The following DUSP10 variants were observed in gnomAD, a reference collection of about 807,000 sequenced individuals.
The protein encoded by DUSP10 is dual specificity protein phosphatase 10.
Under a neutral mutation model 30.8 loss-of-function variants are expected in DUSP10, and 14 were observed. The ratio of observed to expected loss-of-function variants is 0.46; its 90% CI spans 0.30 to 0.71. DUSP10 has a LOEUF of 0.71. Among genes scored for constraint, DUSP10 ranks in the 30% least tolerant of loss-of-function variants. The pLI, the probability that DUSP10 is intolerant of heterozygous loss-of-function variation, is 0.08. For missense variants in DUSP10, 550 were observed against 619.4 expected, an observed-to-expected ratio of 0.89 and a Z score of 1.19; for synonymous variants, 254 against 250.4, an observed-to-expected ratio of 1.01 and a Z score of -0.14.
chr1:221,729,342 G>T (rs1477795024), intron 2 of DUSP10, among the ~76,000 whole-genome samples: 1 of 152,194 alleles, frequency 6.6e-6, no homozygotes, highest in Non-Finnish European at 1.5e-5. Flanking sequence ...GGGAAAGGAA[G>T]ATGGCATTAT....
chr1:221,738,985 T>C lies in DUSP10; in HGVS notation c.760A>G (p.Ile254Val), dbSNP rs764626007. The part of the protein sequence containing the change: ...SRVMPSQPLH[I>V]VLESLKREGK... ...TCTCTCTTCAGGGACTCGAGGACTA[T>C]GTGAAGTGGCTGGGAGGGCATCACT... The change falls in exon 2 of 4, where the codon ATA becomes GTA. Residue 254 changes from isoleucine (I) to valine (V), a missense_variant. Ile to Val is a conservative substitution (Grantham distance 29). Coordinates refer to ENST00000366899, the MANE Select transcript of DUSP10 (RefSeq NM_007207.6). 5.0e-6 allele frequency: 8 copies of C among 1,613,998 alleles called. No individual in the cohort carries two copies. In the South Asian group the frequency reaches 6.6e-5, roughly 13 times the overall value.
chr1:221,730,820 A>G (rs1386467625), intron 2 of DUSP10, among the ~76,000 whole-genome samples: 2 of 151,832 alleles, frequency 1.3e-5, no homozygotes, highest in East Asian at 1.9e-4. Context: ...ACATATATCT[A>G]TAACTCTCTA....
rs1029535440 is a variant in DUSP10 at position 221,716,008 on chromosome 1, CCCTCT to C, written c.812-9547_812-9543del. ...GATCCCTCCTCCCTCCCCTCCCCTCCCCTCTCCCTCTTCTCTCCCTGTCCCTGCCA... is the reference window on the plus strand; with the variant it reads ...GATCCCTCCTCCCTCCCCTCCCCTCCCCCTCTTCTCTCCCTGTCCCTGCCA... On this transcript the variant is annotated intron_variant, in intron 2 of 3. Coordinates refer to ENST00000366899, the MANE Select transcript of DUSP10 (RefSeq NM_007207.6). 2.6e-5 allele frequency among the ~76,000 whole-genome samples: 4 copies of C among 151,404 alleles called. No individual in the cohort carries two copies. The East Asian group carries it at 7.8e-4, about 30-fold the overall frequency.
At chr1:221,704,945 C>T (rs1220287783) in intron 3 of DUSP10, among the ~76,000 whole-genome samples, 3 of 152,118 alleles carry the variant, frequency 2.0e-5, no homozygotes, top group Non-Finnish European at 2.9e-5. Flanking sequence ...GACAAAGGAA[C>T]ACCCCACTCC....
intron 3 of DUSP10, among the ~76,000 whole-genome samples, chr1:221,704,862 G>C (rs572790164): frequency 6.6e-6 from 1 of 152,252 alleles, no homozygotes; most frequent in Non-Finnish European, 1.5e-5. Flanking sequence ...AAAATGACCA[G>C]AGATGTCAAC....
Position 221,707,756 on chromosome 1 carries a change from A to ATTT in DUSP10, c.812-1291_812-1290insAAA, listed in dbSNP as rs571688258. 2.1e-3 allele frequency among the ~76,000 whole-genome samples: 325 copies of ATTT among 152,346 alleles called. 1 individual carries two copies. Among genetic ancestry groups the ATTT allele is most frequent in the African/African-American group, 7.5e-3 (312 of 41,574 alleles). ...CCACGGAGTATTATGTAGCCTTTAA[A>ATTT]AGAGTAGTTGCAAAAAGGATGTGAA... On this transcript the variant is annotated intron_variant, in intron 2 of 3. Coordinates refer to ENST00000366899, the MANE Select transcript of DUSP10 (RefSeq NM_007207.6).
At chr1:221,738,714 C>A (rs1661853271) in intron 2 of DUSP10, among the ~76,000 whole-genome samples, 1 of 152,142 alleles carries the variant, frequency 6.6e-6, no homozygotes, top group Non-Finnish European at 1.5e-5. Context: ...AAATTAGAAC[C>A]CAAATGAAGG....
intron 2 of DUSP10, among the ~76,000 whole-genome samples, chr1:221,708,939 G>GA (rs780687251): frequency 6.7e-6 from 1 of 149,418 alleles, no homozygotes. Context: ...AAAAGCAGGG[G>GA]AAAAACCTCT....
chr1:221,741,362 G>A (rs1428460005), intron 1 of DUSP10, among the ~76,000 whole-genome samples: 1 of 152,152 alleles, frequency 6.6e-6, no homozygotes, highest in Non-Finnish European at 1.5e-5. Context: ...ACGCATAAGC[G>A]TGTTCACAGA....
intron 3 of DUSP10, among the ~76,000 whole-genome samples, chr1:221,703,873 C>A (rs981475355): frequency 6.6e-6 from 1 of 152,108 alleles, no homozygotes; most frequent in Non-Finnish European, 1.5e-5. Flanking sequence ...GGAAAAAAAA[C>A]CTGATGTAAA....
At chr1:221,739,834 C>CA in intron 1 of DUSP10, 47 bp from the exon 2 acceptor site, 1 of 1,469,872 alleles carries the variant, frequency 6.8e-7, no homozygotes, top group East Asian at 2.4e-5. Flanking sequence ...TCACGTGACA[C>CA]AAAAGGCAGT....
intron 1 of DUSP10, among the ~76,000 whole-genome samples, chr1:221,741,116 C>T (rs4601596): frequency 0.19 from 29,407 of 152,070 alleles, 3,715 homozygotes; most frequent in African/African-American, 0.35. Context: ...CGCGCGCACA[C>T]GGGGCACGCA....
chr1:221,741,632 C>T (rs952700801), intron 1 of DUSP10, among the ~76,000 whole-genome samples: 2 of 152,144 alleles, frequency 1.3e-5, no homozygotes, highest in Middle Eastern at 3.4e-3. Flanking sequence ...TAACATCCCC[C>T]CGCCCCCCGC....
In DUSP10 at chr1:221,739,379, C is replaced by G. The variant is rs201057695; in HGVS notation, c.366G>C (p.Glu122Asp). 6.2e-7 allele frequency: 1 copy of G among 1,614,162 alleles called. No homozygotes were observed. The highest frequency in any genetic ancestry group is 1.7e-5 in the Admixed American group (1 of 60,018). ...TTGATGGACTTAGAGAGCCTGTATT[C>G]TCATTATTGTTGACCATCTGGTTAG... ...CPANQMVNNN[E>D]NTGSLSPSSG... Residue 122 changes from glutamate to aspartate, a missense_variant, in exon 2 of 4, where the codon GAG becomes GAC. Physicochemically the swap from Glu to Asp is conservative, Grantham distance 45. Transcript: ENST00000366899.
intron 1 of DUSP10, among the ~76,000 whole-genome samples, chr1:221,741,267 G>A (rs1661946144): frequency 6.6e-6 from 1 of 152,178 alleles, no homozygotes; most frequent in South Asian, 2.1e-4. Context: ...ACTGTTTCCC[G>A]GTTGGACCAA....
At chr1:221,704,337 A>G (rs1352879745) in intron 3 of DUSP10, among the ~76,000 whole-genome samples, 2 of 150,762 alleles carry the variant, frequency 1.3e-5, no homozygotes, top group Non-Finnish European at 2.9e-5. Context: ...AAAAAAAGGC[A>G]GGTAAGCCTG....
intron 2 of DUSP10, among the ~76,000 whole-genome samples, chr1:221,708,553 G>C (rs1322271061): frequency 6.6e-6 from 1 of 152,180 alleles, no homozygotes; most frequent in Non-Finnish European, 1.5e-5. Flanking sequence ...AGCTATATAC[G>C]AATTTCAGTT....
intron 2 of DUSP10, among the ~76,000 whole-genome samples, chr1:221,736,174 C>G (rs929928887): frequency 6.6e-6 from 1 of 152,140 alleles, no homozygotes; most frequent in African/African-American, 2.4e-5. Flanking sequence ...AGCAGCCGCT[C>G]TACTTGACAG....
intron 2 of DUSP10, among the ~76,000 whole-genome samples, chr1:221,712,996 C>T (rs964510535): frequency 6.6e-6 from 1 of 152,184 alleles, no homozygotes; most frequent in Non-Finnish European, 1.5e-5. Flanking sequence ...TCAAACCCTG[C>T]AGCTATTTGA....
Sources: allele counts gnomAD v4.1 joint callset (sites outside exome capture counted in the v4.1 genomes callset), GRCh38; gene constraint gnomAD v4.1.1; transcripts MANE v1.5; gene names NCBI Gene and HGNC (gene_info 2026-07-23, HGNC 2026-07-21).